DNAH9: variants seen among roughly 807,000 people sequenced by gnomAD.
DNAH9 encodes dynein axonemal heavy chain 9.
DNAH9 carries 345 observed loss-of-function variants against 471.6 expected under a neutral mutation model. The ratio of observed to expected loss-of-function variants is 0.73; its 90% CI spans 0.67 to 0.80. The LOEUF is 0.80. Ranked by LOEUF, DNAH9 falls within the 30% of genes least tolerant of loss-of-function variation. The probability of loss-of-function intolerance (pLI) is 0.00; values close to 1 mark genes in which losing one functional copy is unlikely to be tolerated. For missense variants in DNAH9, 5,407 were observed against 5,609.2 expected (o/e 0.96, Z 1.15); for synonymous variants, 2,093 against 2,123.6 (o/e 0.99, Z 0.40).
chr17:11,666,293 A>G (rs2073865948), intron 15 of DNAH9, among the ~76,000 whole-genome samples: 1 of 152,166 alleles, frequency 6.6e-6, no homozygotes, highest in Non-Finnish European at 1.5e-5. Context: ...ACTTGGGTGC[A>G]GGCAGTGCAC....
At chr17:11,837,349 G>A (rs568330618) in intron 49 of DNAH9, among the ~76,000 whole-genome samples, 9 of 152,126 alleles carry the variant, frequency 5.9e-5, no homozygotes, top group Non-Finnish European at 1.3e-4. Context: ...CTAGTGTATA[G>A]CTTGGTGCAA....
chr17:11,916,559 A>G (rs371070632), intron 61 of DNAH9, among the ~76,000 whole-genome samples: 2 of 152,204 alleles, frequency 1.3e-5, no homozygotes, highest in African/African-American at 2.4e-5. Context: ...TGGAATCCAC[A>G]TGGCTGATCT....
At chr17:11,653,564 G>A (rs77242185) in intron 14 of DNAH9, among the ~76,000 whole-genome samples, 1 of 152,144 alleles carries the variant, frequency 6.6e-6, no homozygotes, top group Non-Finnish European at 1.5e-5. Flanking sequence ...AATGGGAAAG[G>A]ATTATAAATG....
chr17:11,694,177 T>C (rs2074387457), intron 21 of DNAH9, 144 bp from the exon 22 acceptor site: 4 of 1,194,008 alleles, frequency 3.4e-6, no homozygotes, highest in African/African-American at 1.5e-5. Flanking sequence ...GACACATCCA[T>C]GTATATCTTT....
intron 19 of DNAH9, among the ~76,000 whole-genome samples, chr17:11,684,615 A>G (rs1016352297): frequency 1.3e-5 from 2 of 152,138 alleles, no homozygotes; most frequent in African/African-American, 4.8e-5. Context: ...CCACACCAAG[A>G]CCAAGGTAAT....
At chr17:11,751,793 G>A (rs1416709950) in intron 32 of DNAH9, among the ~76,000 whole-genome samples, 19 of 151,932 alleles carry the variant, frequency 1.3e-4, no homozygotes, top group Admixed American at 1.2e-3. Context: ...TTAGAGGAAA[G>A]GAGAGAAATT....
rs747760640 is a variant in DNAH9, at chr17:11,632,684, G to A, written c.1616G>A (p.Gly539Asp). 1.3e-6 allele frequency: 2 copies of A among 1,594,856 alleles called. No homozygotes were observed. Among genetic ancestry groups the A allele is most frequent in the Non-Finnish European group, 1.7e-6 (2 of 1,162,456 alleles). Reference protein sequence around the residue: ...IFIQAFDDAPGLEHAFKLLDI... With the variant: ...IFIQAFDDAPDLEHAFKLLDI... ...ATTCAAGCTTTTGATGATGCACCTG[G>A]CTTGGAGCATGCCTTTAAGGTTTGT... The change falls in exon 8 of 69, where the codon GGC becomes GAC. Residue 539 changes from glycine to aspartate, a missense_variant. Coordinates refer to ENST00000262442, the MANE Select transcript of DNAH9 (RefSeq NM_001372.4).
At chr17:11,792,317 T>C (rs1265429128) in intron 41 of DNAH9, among the ~76,000 whole-genome samples, 1 of 152,186 alleles carries the variant, frequency 6.6e-6, no homozygotes, top group Non-Finnish European at 1.5e-5. Flanking sequence ...TGTAGTAATG[T>C]TGTCACCAGA....
chr17:11,598,672 C>T lies in DNAH9; in HGVS notation c.174C>T (p.Ala58=). The change falls in exon 1 of 69, where the codon GCC becomes GCT. Residue 58 remains alanine, a synonymous_variant. Coordinates refer to ENST00000262442, the MANE Select transcript of DNAH9 (RefSeq NM_001372.4). ...GSAEAEQLLQ[A]FLGRDAAEGP... ...CTGAGGCGGAGCAGCTGCTCCAGGC[C>T]TTCCTGGGCCGCGATGCTGCCGAGG... 1 of 1,363,156 alleles carries T rather than the reference C, an allele frequency of 7.3e-7. No homozygotes were observed. Among genetic ancestry groups the T allele is most frequent in the Non-Finnish European group, 9.4e-7 (1 of 1,064,164 alleles). 84.4% of individuals were successfully genotyped at this position (1,363,156 alleles called of 1,614,324 possible).
intron 62 of DNAH9, among the ~76,000 whole-genome samples, chr17:11,926,467 C>T (rs533354863): frequency 6.6e-6 from 1 of 152,232 alleles, no homozygotes; most frequent in East Asian, 1.9e-4. Flanking sequence ...TCCATGTGTT[C>T]TCATTGTTCA....
intron 45 of DNAH9, among the ~76,000 whole-genome samples, chr17:11,819,732 A>G (rs1970244780): frequency 6.6e-6 from 1 of 152,216 alleles, no homozygotes; most frequent in Admixed American, 6.5e-5. Context: ...AAAGAACCAG[A>G]AAGAGTGATT....
chr17:11,935,924 TCAC>T (rs1161245448), intron 65 of DNAH9, among the ~76,000 whole-genome samples: 1 of 152,148 alleles, frequency 6.6e-6, no homozygotes, highest in Non-Finnish European at 1.5e-5. Flanking sequence ...TTTAACTACT[TCAC>T]CAAAGGCAAA....
At chr17:11,835,522 CTT>C (rs1970822430) in intron 49 of DNAH9, among the ~76,000 whole-genome samples, 1 of 152,080 alleles carries the variant, frequency 6.6e-6, no homozygotes, top group Admixed American at 6.5e-5. Flanking sequence ...CTTAGCCACT[CTT>C]TTCTTTTCTC....
At chr17:11,875,922 C>T (rs1972458949) in intron 53 of DNAH9, 1 of 152,164 alleles carries the variant, frequency 6.6e-6, no homozygotes, top group Non-Finnish European at 1.5e-5. Flanking sequence ...GGAAGTGAGG[C>T]AGACATCATT....
rs1019353482 is a variant in DNAH9, at chr17:11,788,113, A to T, written c.8061+3574A>T. The stretch of plus-strand genomic sequence containing the variant: ...TCACATTTACTCAGCCTTAATTGTC[A>T]ACCACCCTGACTATTTGGCTATAAC... On this transcript the variant is annotated intron_variant, in intron 41 of 68. Coordinates refer to ENST00000262442, the MANE Select transcript of DNAH9 (RefSeq NM_001372.4). Among the ~76,000 whole-genome samples, 8 of 152,322 alleles carry T rather than the reference A, an allele frequency of 5.3e-5. No homozygotes were observed. In the East Asian group the frequency reaches 1.5e-3, roughly 29 times the overall value.
chr17:11,669,221 G>A lies in DNAH9; in HGVS notation c.2889G>A (p.Val963=), dbSNP rs775481038. ...GCATTTTTAGGATACCATCTCTGGT[G>A]CCACGGCTTTCCCCACAAAATGGCT... The part of the protein sequence containing the change: ...ITSIFRIPSL[V]PRLSPQNGSP... The change falls in exon 16 of 69, where the codon GTG becomes GTA. Residue 963 remains valine, a synonymous_variant. Coordinates refer to ENST00000262442, the MANE Select transcript of DNAH9 (RefSeq NM_001372.4). 1.2e-6 allele frequency: 2 copies of A among 1,613,992 alleles called. No homozygotes were observed. Among genetic ancestry groups the A allele is most frequent in the Admixed American group, 3.3e-5 (2 of 60,002 alleles).
At chr17:11,949,112 T>C (rs1439834662) in intron 67 of DNAH9, among the ~76,000 whole-genome samples, 1 of 152,162 alleles carries the variant, frequency 6.6e-6, no homozygotes, top group Non-Finnish European at 1.5e-5. Context: ...AACGAAGACC[T>C]ACAGGAAAAA....
At chr17:11,793,706 A>C in intron 42 of DNAH9, 42 bp downstream of exon 42, 2 of 1,472,530 alleles carry the variant, frequency 1.4e-6, no homozygotes, top group Non-Finnish European at 1.8e-6. Flanking sequence ...TTGAAAAAAA[A>C]AAAGATAATT....
chr17:11,819,315 C>A (rs746435862), intron 45 of DNAH9, among the ~76,000 whole-genome samples: 1 of 152,142 alleles, frequency 6.6e-6, no homozygotes, highest in South Asian at 2.1e-4. Flanking sequence ...AATAAGAAAT[C>A]AAATGGGTTT....
Sources: gnomAD v4.1 joint callset for allele counts (sites outside exome capture counted in the v4.1 genomes callset) on GRCh38, gnomAD v4.1.1 for gene constraint, MANE v1.5 for transcripts, NCBI Gene and HGNC (gene_info 2026-07-23, HGNC 2026-07-21) for gene names.